The following MAGI1 variants were observed in gnomAD, a reference collection of about 807,000 sequenced individuals.
MAGI1 encodes membrane associated guanylate kinase, WW and PDZ domain containing 1.
In MAGI1, 58 loss-of-function variants were observed where a neutral mutation model predicts 139.9. The observed-to-expected ratio is 0.41, with a 90% CI of 0.34 to 0.52. The LOEUF (loss-of-function observed/expected upper bound fraction) is 0.52, where lower values mean the gene tolerates loss of function less well. Among genes scored for constraint, MAGI1 ranks in the 20% least tolerant of loss-of-function variants. MAGI1 has a pLI of 0.12. For synonymous variants in MAGI1, 812 were observed against 737.9 expected (o/e 1.10, Z -1.63); for missense variants, 1,874 against 1,901.6 (o/e 0.99, Z 0.27).
chr3:65,489,326 CA>C (rs1246863514), intron 3 of MAGI1, among the ~76,000 whole-genome samples: 2 of 151,964 alleles, frequency 1.3e-5, no homozygotes. Flanking sequence ...CCTTGCCTCA[CA>C]AAAAAAGTCT....
At chr3:65,755,060 TCTC>T (rs1346571293) in intron 1 of MAGI1, among the ~76,000 whole-genome samples, 1 of 151,852 alleles carries the variant, frequency 6.6e-6, no homozygotes, top group Non-Finnish European at 1.5e-5. Context: ...TTCCAGCAAT[TCTC>T]CTATCTCCCT....
intron 1 of MAGI1, among the ~76,000 whole-genome samples, chr3:65,725,186 A>T (rs1499499): frequency 0.3 from 46,346 of 152,010 alleles, 7,626 homozygotes; most frequent in African/African-American, 0.38. Context: ...AAGTCATTCA[A>T]TTGAAGTAGG....
rs1041020150 is a variant in MAGI1, at chr3:65,636,154, A to G, written c.314-14066T>C. ...GGGATACGGGAGGAGAGGGGCACCT[A>G]TTTTATGTAAATGTGGTTGTGTACA... On this transcript the variant is annotated intron_variant, in intron 1 of 22. Transcript: ENST00000402939. 2.6e-5 allele frequency among the ~76,000 whole-genome samples: 4 copies of G among 152,098 alleles called. 1 individual carries two copies. The South Asian group carries it at 8.3e-4, about 32-fold the overall frequency.
intron 1 of MAGI1, among the ~76,000 whole-genome samples, chr3:65,940,345 T>C (rs550902493): frequency 1.3e-5 from 2 of 152,282 alleles, no homozygotes; most frequent in Admixed American, 1.3e-4. Context: ...TAACAGAAAT[T>C]TATTTCCCAG....
intron 1 of MAGI1, among the ~76,000 whole-genome samples, chr3:65,779,077 G>A (rs2038721104): frequency 6.6e-6 from 1 of 152,182 alleles, no homozygotes; most frequent in East Asian, 1.9e-4. Context: ...AAGAAACCCT[G>A]TAGCAACCCA....
At chr3:66,026,946 T>C (rs911917386) in intron 1 of MAGI1, among the ~76,000 whole-genome samples, 1 of 151,938 alleles carries the variant, frequency 6.6e-6, no homozygotes, top group Non-Finnish European at 1.5e-5. Flanking sequence ...TTCTTTCTTT[T>C]TTCTTTTTTT....
At chr3:65,833,071 A>T (rs2042610980) in intron 1 of MAGI1, among the ~76,000 whole-genome samples, 3 of 152,118 alleles carry the variant, frequency 2.0e-5, no homozygotes, top group Admixed American at 2.0e-4. Flanking sequence ...AACATCTCCA[A>T]ACAGGTCAAT....
At chr3:65,473,963 T>C (rs1306758174) in intron 4 of MAGI1, among the ~76,000 whole-genome samples, 1 of 152,194 alleles carries the variant, frequency 6.6e-6, no homozygotes, top group Non-Finnish European at 1.5e-5. Flanking sequence ...TGACACATGC[T>C]GTGATTTCAA....
At chr3:65,888,431 C>A (rs980085848) in intron 1 of MAGI1, among the ~76,000 whole-genome samples, 2 of 152,144 alleles carry the variant, frequency 1.3e-5, no homozygotes, top group African/African-American at 4.8e-5. Context: ...CATTATAAAC[C>A]TTTATGTCCA....
chr3:65,387,594 C>T (rs576931309), intron 14 of MAGI1, among the ~76,000 whole-genome samples: 88 of 152,168 alleles, frequency 5.8e-4, no homozygotes, highest in Admixed American at 1.3e-3. Context: ...TGTGCTACCA[C>T]TATACTACAG....
chr3:65,637,667 G>C (rs2084721149), intron 1 of MAGI1, among the ~76,000 whole-genome samples: 1 of 152,178 alleles, frequency 6.6e-6, no homozygotes, highest in South Asian at 2.1e-4. Flanking sequence ...GTTGAGATTT[G>C]ATATGCACAT....
At chr3:65,862,502 T>A (rs1040101335) in intron 1 of MAGI1, among the ~76,000 whole-genome samples, 1 of 152,220 alleles carries the variant, frequency 6.6e-6, no homozygotes, top group African/African-American at 2.4e-5. Flanking sequence ...CAGCAGGATC[T>A]ACCACTCTGT....
At chr3:66,032,914 CA>C (rs58736926) in intron 1 of MAGI1, among the ~76,000 whole-genome samples, 60,185 of 110,302 alleles carry the variant, frequency 0.55, 14,574 homozygotes, top group Admixed American at 0.65. Flanking sequence ...AACTCCATCT[CA>C]AAAAAAAAAA....
At chr3:65,652,332 AAATT>A (rs2085631535) in intron 1 of MAGI1, among the ~76,000 whole-genome samples, 1 of 152,168 alleles carries the variant, frequency 6.6e-6, no homozygotes, top group African/African-American at 2.4e-5. Flanking sequence ...CTACAAAAAT[AAATT>A]ATCACTTTAA....
At position 65,565,870 on chromosome 3, in the gene MAGI1, A is replaced by AG. The variant is rs553168184; in HGVS notation, c.430+56101_430+56102insC. On this transcript the variant is annotated intron_variant, in intron 2 of 22. Transcript: ENST00000402939. ...AGACTCCGTGTCAAAAAAAAAAAAAAAAAAGAAACATTGCTATCACACAAC... is the reference window on the plus strand; with the variant it reads ...AGACTCCGTGTCAAAAAAAAAAAAAAGAAAAGAAACATTGCTATCACACAAC... Among the ~76,000 whole-genome samples, 1,046 of 151,286 alleles carry AG rather than the reference A, an allele frequency of 6.9e-3. 11 individuals are homozygous for AG. Among genetic ancestry groups the AG allele is most frequent in the Non-Finnish European group, 0.012 (792 of 67,766 alleles).
At chr3:65,527,744 A>T (rs988477800) in intron 2 of MAGI1, among the ~76,000 whole-genome samples, 5 of 151,738 alleles carry the variant, frequency 3.3e-5, no homozygotes, top group African/African-American at 1.2e-4. Flanking sequence ...ATATAAAAAT[A>T]AAAAATAAAA....
chr3:66,018,113 T>TGGG lies in MAGI1; in HGVS notation c.313+19880_313+19882dup, dbSNP rs200952234. On this transcript the variant is annotated intron_variant, in intron 1 of 22. Coordinates refer to ENST00000402939, the MANE Select transcript of MAGI1 (RefSeq NM_001033057.2). Reference sequence around the variant, plus strand: ...ACAAAGATAAGGAAGGACACTTTGGTGGGGGGGGGGGGTGTCTGCACATGC... The same window carrying TGGG: ...ACAAAGATAAGGAAGGACACTTTGGTGGGGGGGGGGGGGGGTGTCTGCACATGC... 5.2e-3 allele frequency among the ~76,000 whole-genome samples: 299 copies of TGGG among 57,470 alleles called. 7 individuals are homozygous for TGGG. Among genetic ancestry groups the TGGG allele is most frequent in the African/African-American group, 0.013 (275 of 20,778 alleles). 37.7% of individuals were successfully genotyped at this position (57,470 alleles called of 152,430 possible). A position where few individuals can be genotyped will look rare whatever the true frequency, so the allele number is the denominator to read the frequency against.
At position 65,779,652 on chromosome 3, in the gene MAGI1, T is replaced by C. The variant is rs144986255; in HGVS notation, c.314-157564A>G. Among the ~76,000 whole-genome samples the C allele has an allele frequency of 4.6e-5, 7 of 152,364 alleles. No individual in the cohort carries two copies. In the East Asian group the frequency reaches 1.2e-3, roughly 25 times the overall value. On this transcript the variant is annotated intron_variant, in intron 1 of 22. Coordinates refer to ENST00000402939, the MANE Select transcript of MAGI1 (RefSeq NM_001033057.2). ...AAACTCAACTAAAGATTTATAAGTC[T>C]ACTTAGATGAAAAGTTCTCCTGTGG...
In MAGI1 at chr3:65,766,066, T is replaced by C. The variant is rs144943163; in HGVS notation, c.314-143978A>G. On this transcript the variant is annotated intron_variant, in intron 1 of 22. Transcript: ENST00000402939. ...GTATCCCTAACATTTTCCTGCTTGT[T>C]TATTTAACAGCTATGGATATTTACA... Among the ~76,000 whole-genome samples, 570 of 152,334 alleles carry C rather than the reference T, an allele frequency of 3.7e-3. 5 individuals are homozygous for C. Among genetic ancestry groups the C allele is most frequent in the African/African-American group, 0.013 (532 of 41,586 alleles).
Sources: allele counts gnomAD v4.1 joint callset (sites outside exome capture counted in the v4.1 genomes callset), GRCh38; gene constraint gnomAD v4.1.1; transcripts MANE v1.5; gene names NCBI Gene and HGNC (gene_info 2026-07-23, HGNC 2026-07-21).